The following PPARGC1A variants were observed in gnomAD, a reference collection of about 807,000 sequenced individuals.
The protein encoded by PPARGC1A is peroxisome proliferator-activated receptor gamma coactivator 1-alpha.
PPARGC1A carries 25 observed loss-of-function variants against 88.7 expected under a neutral mutation model. That is an observed-to-expected ratio of 0.28 (90% CI 0.21 to 0.39). The LOEUF (loss-of-function observed/expected upper bound fraction) is 0.39. Ranked by LOEUF, PPARGC1A falls within the 10% of genes least tolerant of loss-of-function variation. The pLI is 1.00. For missense variants in PPARGC1A, 880 were observed against 968.7 expected, an observed-to-expected ratio of 0.91 and a Z score of 1.22; for synonymous variants, 363 against 355.6, an observed-to-expected ratio of 1.02 and a Z score of -0.24.
chr4:23,901,364 C>T (rs1290575325), upstream of PPARGC1A, among the ~76,000 whole-genome samples: 3 of 128,792 alleles, frequency 2.3e-5, no homozygotes, highest in Non-Finnish European at 4.8e-5. Flanking sequence ...AGCAAGACTC[C>T]GTCTCAAAAA....
chr4:24,206,892 A>G, the PPARGC1A span, among the ~76,000 whole-genome samples: 2 of 146,574 alleles, frequency 1.4e-5, no homozygotes, highest in Non-Finnish European at 3.0e-5. Context: ...ATTGGGTTGC[A>G]ATGTTACATG....
chr4:23,981,249 A>G, the PPARGC1A span, among the ~76,000 whole-genome samples: 1 of 152,082 alleles, frequency 6.6e-6, no homozygotes, highest in Non-Finnish European at 1.5e-5. Flanking sequence ...CTGAATATAT[A>G]CTATATACAT....
chr4:24,250,665 A>G, the PPARGC1A span, among the ~76,000 whole-genome samples: 11 of 152,212 alleles, frequency 7.2e-5, no homozygotes, highest in Admixed American at 2.0e-4. Flanking sequence ...GGAAAAAACT[A>G]AATAACTTCC....
At chr4:24,132,905 A>G in the PPARGC1A span, among the ~76,000 whole-genome samples, 2 of 152,074 alleles carry the variant, frequency 1.3e-5, no homozygotes, top group African/African-American at 2.4e-5. Flanking sequence ...TACTGCTGAC[A>G]TTTAAAAACA....
the PPARGC1A span, among the ~76,000 whole-genome samples, chr4:24,148,003 A>G: frequency 6.6e-6 from 1 of 152,118 alleles, no homozygotes; most frequent in Non-Finnish European, 1.5e-5. Context: ...AATGAGGTAG[A>G]GTATGGCTTT....
the PPARGC1A span, among the ~76,000 whole-genome samples, chr4:23,909,444 T>A: frequency 6.6e-6 from 1 of 151,966 alleles, no homozygotes; most frequent in African/African-American, 2.4e-5. Context: ...AAAATAGGAA[T>A]GGTTTGGCAA....
At chr4:23,969,012 A>T in the PPARGC1A span, among the ~76,000 whole-genome samples, 6 of 152,158 alleles carry the variant, frequency 3.9e-5, no homozygotes, top group African/African-American at 1.4e-4. Flanking sequence ...CACCAGAGAG[A>T]GTGTTATGGA....
the PPARGC1A span, among the ~76,000 whole-genome samples, chr4:24,171,586 C>T: frequency 2.0e-5 from 3 of 152,256 alleles, no homozygotes; most frequent in Admixed American, 2.0e-4. Flanking sequence ...TGGTTCACTG[C>T]TGTTCCCCAT....
Position 23,806,905 on chromosome 4 carries a change from G to T in PPARGC1A, c.2020-4560C>A, listed in dbSNP as rs114947857. Among the ~76,000 whole-genome samples, 1,177 of 152,292 alleles carry T rather than the reference G, an allele frequency of 7.7e-3. 11 individuals are homozygous for T. The highest frequency in any genetic ancestry group is 0.024 in the African/African-American group (1,010 of 41,548). ...GAGATGAACATTTGTTGAACTCTTAGCTATGCCAAGTACTGCATTTAATGC... is the reference window on the plus strand; with the variant it reads ...GAGATGAACATTTGTTGAACTCTTATCTATGCCAAGTACTGCATTTAATGC... On this transcript the variant is annotated intron_variant, in intron 10 of 12. Transcript: ENST00000264867.
chr4:23,820,549 A>G, intron 7 of PPARGC1A: 1 of 378,964 alleles, frequency 2.6e-6, no homozygotes, highest in South Asian at 1.9e-5. Context: ...CATATGCAAT[A>G]GATTTAAATG....
intron 10 of PPARGC1A, among the ~76,000 whole-genome samples, chr4:23,810,547 T>C (rs560873648): frequency 6.6e-6 from 1 of 152,252 alleles, no homozygotes; most frequent in East Asian, 1.9e-4. Flanking sequence ...AAAAGACACC[T>C]CCCTTCCTTT....
the PPARGC1A span, among the ~76,000 whole-genome samples, chr4:24,049,867 T>C: frequency 6.6e-6 from 1 of 152,142 alleles, no homozygotes; most frequent in Non-Finnish European, 1.5e-5. Flanking sequence ...TTACCAAATA[T>C]AGTCAGGTGT....
chr4:23,994,872 C>T, the PPARGC1A span, among the ~76,000 whole-genome samples: 24,995 of 152,036 alleles, frequency 0.16, 2,170 homozygotes, highest in East Asian at 0.27. Flanking sequence ...GAAGCAAAGA[C>T]GAATTCCAGT....
At chr4:24,014,494 T>C in the PPARGC1A span, among the ~76,000 whole-genome samples, 1 of 152,202 alleles carries the variant, frequency 6.6e-6, no homozygotes, top group Non-Finnish European at 1.5e-5. Context: ...CAGATGAGCA[T>C]ATCATAGCTG....
chr4:24,196,316 A>G, the PPARGC1A span, among the ~76,000 whole-genome samples: 205 of 152,392 alleles, frequency 1.3e-3, 2 homozygotes, highest in African/African-American at 4.1e-3. Context: ...AACAGGAGAA[A>G]GAAATGCATG....
chr4:24,334,593 G>T, the PPARGC1A span, among the ~76,000 whole-genome samples: 1 of 152,154 alleles, frequency 6.6e-6, no homozygotes. Flanking sequence ...CCATCCCATT[G>T]TCCAAACATC....
At chr4:23,838,002 T>G (rs1397268473) in intron 2 of PPARGC1A, among the ~76,000 whole-genome samples, 1 of 152,312 alleles carries the variant, frequency 6.6e-6, no homozygotes, top group East Asian at 1.9e-4. Context: ...AAACTAAGTT[T>G]TTTTCCTGCA....
At chr4:23,965,333 T>C in the PPARGC1A span, among the ~76,000 whole-genome samples, 1 of 152,226 alleles carries the variant, frequency 6.6e-6, no homozygotes, top group African/African-American at 2.4e-5. Context: ...AGTTCACCTC[T>C]TATCATTTCT....
At chr4:23,903,607 A>G (rs529340060), upstream of PPARGC1A, among the ~76,000 whole-genome samples, 1 of 152,302 alleles carries the variant, frequency 6.6e-6, no homozygotes, top group East Asian at 1.9e-4. Context: ...GCATTTCCTT[A>G]AGGAGCTACA....
Sources: gnomAD v4.1 joint callset for allele counts (sites outside exome capture counted in the v4.1 genomes callset) on GRCh38, gnomAD v4.1.1 for gene constraint, MANE v1.5 for transcripts, NCBI Gene and HGNC (gene_info 2026-07-23, HGNC 2026-07-21) for gene names.